Variants in HTR1E observed in about 807,000 individuals in gnomAD.
The protein encoded by HTR1E is 5-HT-1E.
HTR1E carries 3 observed loss-of-function variants against 3.4 expected under a neutral mutation model. The ratio of observed to expected loss-of-function variants is 0.89; its 90% CI spans 0.41 to 2.31. The LOEUF (loss-of-function observed/expected upper bound fraction) is 2.31. HTR1E is among the 30% of genes most tolerant of loss of function. The pLI, the probability that HTR1E is intolerant of heterozygous loss-of-function variation, is 0.05. For synonymous variants in HTR1E, 170 were observed against 182.8 expected, an observed-to-expected ratio of 0.93 and a Z score of 0.56; for missense variants, 392 against 467.0, an observed-to-expected ratio of 0.84 and a Z score of 1.48.
chr6:87,000,930 C>T (rs1768013825), intron 1 of HTR1E, among the ~76,000 whole-genome samples: 1 of 152,104 alleles, frequency 6.6e-6, no homozygotes, highest in Non-Finnish European at 1.5e-5. Flanking sequence ...ATAATAACTA[C>T]AACAACTTTG....
At chr6:86,962,055 T>C (rs1767415863) in intron 1 of HTR1E, among the ~76,000 whole-genome samples, 1 of 152,152 alleles carries the variant, frequency 6.6e-6, no homozygotes, top group Non-Finnish European at 1.5e-5. Context: ...TGGCACAAGA[T>C]CAAGCACTGG....
chr6:86,977,132 C>G (rs6929977), intron 1 of HTR1E, among the ~76,000 whole-genome samples: 1,772 of 152,170 alleles, frequency 0.012, 32 homozygotes, highest in African/African-American at 0.04. Flanking sequence ...GTATGTTACA[C>G]TCAGGGAGTA....
intron 1 of HTR1E, among the ~76,000 whole-genome samples, chr6:86,989,731 C>T (rs1767846739): frequency 6.6e-6 from 1 of 152,116 alleles, no homozygotes; most frequent in Non-Finnish European, 1.5e-5. Context: ...TAATGAGGTG[C>T]TAATTTTACA....
chr6:87,009,664 G>C (rs1289540628), intron 1 of HTR1E, among the ~76,000 whole-genome samples: 2 of 142,854 alleles, frequency 1.4e-5, no homozygotes, highest in South Asian at 2.3e-4. Context: ...CTCACCTCCC[G>C]GACGGGGCGG....
intron 1 of HTR1E, among the ~76,000 whole-genome samples, chr6:86,944,722 ATATT>A (rs954956327): frequency 6.6e-6 from 1 of 152,232 alleles, no homozygotes; most frequent in African/African-American, 2.4e-5. Flanking sequence ...CACATTGACA[ATATT>A]TTGGTCACCC....
intron 1 of HTR1E, among the ~76,000 whole-genome samples, chr6:86,957,841 T>C (rs911212663): frequency 2.6e-5 from 4 of 152,164 alleles, no homozygotes; most frequent in Non-Finnish European, 5.9e-5. Context: ...TGGAAATGCA[T>C]GGGCAAAAGC....
At chr6:86,951,508 T>A (rs577525717) in intron 1 of HTR1E, among the ~76,000 whole-genome samples, 15 of 152,306 alleles carry the variant, frequency 9.8e-5, no homozygotes, top group Middle Eastern at 3.4e-3. Context: ...TTCTATTTCC[T>A]ATGTAAATAA....
intron 1 of HTR1E, among the ~76,000 whole-genome samples, chr6:86,947,290 A>G (rs1375391318): frequency 6.6e-6 from 1 of 152,188 alleles, no homozygotes; most frequent in Non-Finnish European, 1.5e-5. Context: ...AGAACTCACA[A>G]AACAACCTTT....
intron 1 of HTR1E, among the ~76,000 whole-genome samples, chr6:87,001,380 TA>T (rs1768021579): frequency 6.6e-6 from 1 of 152,116 alleles, no homozygotes; most frequent in African/African-American, 2.4e-5. Flanking sequence ...TGAACGGATT[TA>T]AAAAACAAGA....
intron 1 of HTR1E, among the ~76,000 whole-genome samples, chr6:86,965,168 G>C (rs1767456289): frequency 6.6e-6 from 1 of 152,136 alleles, no homozygotes; most frequent in Admixed American, 6.6e-5. Context: ...GCCACCTGAG[G>C]GGCTCCTCCG....
At position 86,952,692 on chromosome 6, in the gene HTR1E, A is replaced by T. The variant is rs1197260715; in HGVS notation, c.-186+14869A>T. ...CAATGGGCCCCTCTTCTCAAAGTGA[A>T]TGATCCCCAGAATAGTCCATCTTTT... On this transcript the variant is annotated intron_variant, in intron 1 of 1. Coordinates refer to ENST00000305344, the MANE Select transcript of HTR1E (RefSeq NM_000865.3). Among the ~76,000 whole-genome samples, 8 of 152,296 alleles carry T rather than the reference A, an allele frequency of 5.3e-5. No homozygotes were observed. In the East Asian group the frequency reaches 1.5e-3, roughly 29 times the overall value.
At position 86,988,057 on chromosome 6, in the gene HTR1E, T is replaced by C. The variant is rs941803872; in HGVS notation, c.-185-27093T>C. Reference sequence around the variant, plus strand: ...TGATCTTCACAATAACTTTGTCAAGTAGGTCATCTCCATTAAAAAGAGAAG... The same window carrying C: ...TGATCTTCACAATAACTTTGTCAAGCAGGTCATCTCCATTAAAAAGAGAAG... On this transcript the variant is annotated intron_variant, in intron 1 of 1. Coordinates refer to ENST00000305344, the MANE Select transcript of HTR1E (RefSeq NM_000865.3). Among the ~76,000 whole-genome samples the C allele has an allele frequency of 3.3e-5, 5 of 152,292 alleles. No homozygotes were observed. In the East Asian group the frequency reaches 9.6e-4, roughly 29 times the overall value.
At chr6:86,939,423 T>C (rs911151193) in intron 1 of HTR1E, among the ~76,000 whole-genome samples, 1 of 152,216 alleles carries the variant, frequency 6.6e-6, no homozygotes, top group Non-Finnish European at 1.5e-5. Context: ...TCCTGATTCA[T>C]CATTGTTGAT....
At chr6:87,009,831 GACTGACCCCCC>G (rs1768178007) in intron 1 of HTR1E, among the ~76,000 whole-genome samples, 1 of 113,048 alleles carries the variant, frequency 8.8e-6, no homozygotes, top group Non-Finnish European at 1.8e-5. Context: ...CGGGCGGGGG[GACTGACCCCCC>G]CCCACCTCCC....
intron 1 of HTR1E, among the ~76,000 whole-genome samples, chr6:86,960,715 G>A (rs1767393190): frequency 6.6e-6 from 1 of 152,152 alleles, no homozygotes; most frequent in African/African-American, 2.4e-5. Flanking sequence ...TTGATCATTT[G>A]GGACAAGTCA....
chr6:86,987,134 C>A (rs541670475), intron 1 of HTR1E, among the ~76,000 whole-genome samples: 26 of 152,226 alleles, frequency 1.7e-4, no homozygotes, highest in African/African-American at 6.3e-4. Flanking sequence ...ACAGCCATGG[C>A]AAATACCAAT....
intron 1 of HTR1E, among the ~76,000 whole-genome samples, chr6:86,992,663 T>C (rs555984360): frequency 6.6e-6 from 1 of 152,278 alleles, no homozygotes; most frequent in East Asian, 1.9e-4. Context: ...ACTGAACAAA[T>C]GTTTATTGAG....
At chr6:86,991,085 G>A (rs1024225351) in intron 1 of HTR1E, among the ~76,000 whole-genome samples, 2 of 151,994 alleles carry the variant, frequency 1.3e-5, no homozygotes, top group Admixed American at 6.6e-5. Context: ...TAAACATGAG[G>A]GAAAACATCA....
chr6:86,997,986 T>G (rs1767967933), intron 1 of HTR1E, among the ~76,000 whole-genome samples: 1 of 151,910 alleles, frequency 6.6e-6, no homozygotes, highest in South Asian at 2.1e-4. Flanking sequence ...ACAGAGAATA[T>G]TATCAGGGAT....
Sources: gnomAD v4.1 joint callset for allele counts (sites outside exome capture counted in the v4.1 genomes callset) on GRCh38, gnomAD v4.1.1 for gene constraint, MANE v1.5 for transcripts, NCBI Gene and HGNC (gene_info 2026-07-23, HGNC 2026-07-21) for gene names.